Variants in DCLK1 observed in about 807,000 individuals in gnomAD.
DCLK1 encodes the protein doublecortin like kinase 1.
Under a neutral mutation model 86.2 loss-of-function variants are expected in DCLK1, and 16 were observed. The observed-to-expected ratio is 0.19, with a 90% CI of 0.13 to 0.28. The LOEUF (loss-of-function observed/expected upper bound fraction) is 0.28, where lower values mean the gene tolerates loss of function less well. DCLK1 is among the 10% of genes least tolerant of loss of function. DCLK1 has a pLI of 1.00. For synonymous variants in DCLK1, 369 were observed against 370.5 expected (o/e 1.00, Z 0.05); for missense variants, 590 against 940.2 (o/e 0.63, Z 4.87).
chr13:36,027,647 G>T (rs1351571185), intron 3 of DCLK1, among the ~76,000 whole-genome samples: 2 of 152,170 alleles, frequency 1.3e-5, no homozygotes, highest in Non-Finnish European at 2.9e-5. Context: ...AGTATTTAAG[G>T]TGCCATGAAT....
At chr13:35,887,471 A>C (rs1285302302) in intron 4 of DCLK1, among the ~76,000 whole-genome samples, 1 of 152,098 alleles carries the variant, frequency 6.6e-6, no homozygotes, top group Non-Finnish European at 1.5e-5. Flanking sequence ...GGTTGCTCAC[A>C]ATTCCCAAGG....
chr13:35,857,696 A>G (rs1481538009), intron 5 of DCLK1, among the ~76,000 whole-genome samples: 1 of 152,250 alleles, frequency 6.6e-6, no homozygotes, highest in African/African-American at 2.4e-5. Context: ...TTGCAATTGG[A>G]ATCCTAATAA....
At chr13:35,804,543 G>A (rs575632959) in intron 15 of DCLK1, among the ~76,000 whole-genome samples, 8 of 149,376 alleles carry the variant, frequency 5.4e-5, no homozygotes, top group South Asian at 2.1e-4. Context: ...AGTTATTCTC[G>A]TGCCTCAGCC....
intron 4 of DCLK1, among the ~76,000 whole-genome samples, chr13:35,876,035 A>C (rs984046336): frequency 1.3e-5 from 2 of 152,174 alleles, no homozygotes; most frequent in African/African-American, 4.8e-5. Context: ...GTCCATGGTC[A>C]GGGGCAGACA....
chr13:35,896,063 C>T (rs1463805123), intron 4 of DCLK1, among the ~76,000 whole-genome samples: 1 of 151,928 alleles, frequency 6.6e-6, no homozygotes, highest in Non-Finnish European at 1.5e-5. Context: ...TTCAGGAAAA[C>T]TTCAAGGATG....
intron 11 of DCLK1, 114 bp from the exon 12 acceptor site, chr13:35,811,082 T>C (rs2087131258): frequency 7.5e-7 from 1 of 1,331,830 alleles, no homozygotes; most frequent in African/African-American, 1.5e-5. Flanking sequence ...AAAAAATAAA[T>C]TAGGCAATTA....
At chr13:35,890,315 G>A (rs1001088997) in intron 4 of DCLK1, among the ~76,000 whole-genome samples, 3 of 151,850 alleles carry the variant, frequency 2.0e-5, no homozygotes, top group African/African-American at 7.3e-5. Flanking sequence ...TGTGTTTTCC[G>A]GTATAAAAAT....
At chr13:35,935,726 G>T (rs1566610170) in intron 4 of DCLK1, among the ~76,000 whole-genome samples, 1 of 152,136 alleles carries the variant, frequency 6.6e-6, no homozygotes, top group South Asian at 2.1e-4. Flanking sequence ...TACCTCAAAG[G>T]GGGTACATTT....
chr13:35,819,588 T>A (rs1644006792), intron 11 of DCLK1, among the ~76,000 whole-genome samples: 1 of 152,198 alleles, frequency 6.6e-6, no homozygotes, highest in African/African-American at 2.4e-5. Context: ...AGCCTTTTAA[T>A]AACGTAGTAA....
At chr13:36,091,403 A>G (rs1382663879) in intron 3 of DCLK1, among the ~76,000 whole-genome samples, 13 of 152,212 alleles carry the variant, frequency 8.5e-5, no homozygotes, top group Non-Finnish European at 1.5e-4. Flanking sequence ...AAAAATGCTC[A>G]TCTTCTGGGC....
intron 3 of DCLK1, among the ~76,000 whole-genome samples, chr13:36,002,478 CT>C (rs1384950527): frequency 6.6e-6 from 1 of 152,164 alleles, no homozygotes; most frequent in Non-Finnish European, 1.5e-5. Flanking sequence ...GAATGGCAAT[CT>C]TTTTTAGGGT....
At chr13:35,994,072 G>GA (rs1880368621) in intron 3 of DCLK1, among the ~76,000 whole-genome samples, 1 of 140,808 alleles carries the variant, frequency 7.1e-6, no homozygotes, top group Non-Finnish European at 1.5e-5. Flanking sequence ...TGAGCCCTTT[G>GA]AAAAAAAGAA....
At chr13:35,980,730 A>T (rs752325129) in intron 3 of DCLK1, among the ~76,000 whole-genome samples, 12 of 152,148 alleles carry the variant, frequency 7.9e-5, no homozygotes, top group South Asian at 2.1e-4. Context: ...CCTAAGGAGT[A>T]TGCAACCTAA....
At chr13:35,810,279 T>A (rs2087115937) in intron 12 of DCLK1, among the ~76,000 whole-genome samples, 1 of 151,988 alleles carries the variant, frequency 6.6e-6, no homozygotes, top group Non-Finnish European at 1.5e-5. Flanking sequence ...TATTGTGGGG[T>A]CTTAGTAAGG....
intron 4 of DCLK1, among the ~76,000 whole-genome samples, chr13:35,917,859 G>C (rs1205919203): frequency 6.6e-6 from 1 of 152,138 alleles, no homozygotes; most frequent in Non-Finnish European, 1.5e-5. Context: ...CTCTAGCTGG[G>C]CTGGAGACTG....
At chr13:35,835,925 C>T in intron 8 of DCLK1, 108 bp downstream of exon 8, 1 of 830,630 alleles carries the variant, frequency 1.2e-6, no homozygotes. Context: ...GGGGTTGAGA[C>T]ATTAACTTAT....
chr13:35,823,355 GCACA>G lies in DCLK1; in HGVS notation c.1408-484_1408-481del, dbSNP rs34702154. On this transcript the variant is annotated intron_variant, in intron 10 of 16. Transcript: ENST00000360631. The stretch of plus-strand genomic sequence containing the variant: ...TACTGCCTAGTGAAATTATTAGGAT[GCACA>G]CACACACACACACACACACACACAA... 5.2e-3 allele frequency among the ~76,000 whole-genome samples: 764 copies of G among 147,842 alleles called. 4 individuals are homozygous for G. The highest frequency in any genetic ancestry group is 0.016 in the African/African-American group (646 of 40,372).
At chr13:35,777,181 C>A (rs1458165886) in intron 16 of DCLK1, among the ~76,000 whole-genome samples, 3 of 152,170 alleles carry the variant, frequency 2.0e-5, no homozygotes, top group Non-Finnish European at 4.4e-5. Flanking sequence ...CATGGATCCC[C>A]AGGATCCTCA....
At chr13:35,912,640 A>C in intron 4 of DCLK1, among the ~76,000 whole-genome samples, 1 of 152,144 alleles carries the variant, frequency 6.6e-6, no homozygotes, top group East Asian at 1.9e-4. Flanking sequence ...TCTATCACTA[A>C]GTAAAATTTT....
Sources: allele counts gnomAD v4.1 joint callset (sites outside exome capture counted in the v4.1 genomes callset), GRCh38; gene constraint gnomAD v4.1.1; transcripts MANE v1.5; gene names NCBI Gene and HGNC (gene_info 2026-07-23, HGNC 2026-07-21).